Variants in NRXN3 observed in about 807,000 individuals in gnomAD.
NRXN3 encodes the protein neurexin 3.
In NRXN3, 32 loss-of-function variants were observed where a neutral mutation model predicts 137.6. The observed-to-expected ratio is 0.23, with a 90% CI of 0.18 to 0.31. The LOEUF is 0.31. Among genes scored for constraint, NRXN3 ranks in the 10% least tolerant of loss-of-function variants. The pLI is 1.00. For synonymous variants in NRXN3, 798 were observed against 784.5 expected, an observed-to-expected ratio of 1.02 and a Z score of -0.29; for missense variants, 1,574 against 2,062.5, an observed-to-expected ratio of 0.76 and a Z score of 4.59.
intron 15 of NRXN3, among the ~76,000 whole-genome samples, chr14:79,094,285 TTTCATCTGTATCCTCTGTTTTAGCC>T (rs1360449456): frequency 6.6e-6 from 1 of 152,132 alleles, no homozygotes; most frequent in African/African-American, 2.4e-5. Flanking sequence ...TTGGGTTTGG[TTTCATCTGTATCCTCTGTTTTAGCC>T]TTCTTTTTAG....
intron 4 of NRXN3, among the ~76,000 whole-genome samples, chr14:78,345,453 T>G (rs1349580138): frequency 6.6e-6 from 1 of 152,178 alleles, no homozygotes. Flanking sequence ...TTGCACTTGC[T>G]AAGAAGATAA....
chr14:79,520,902 C>A (rs2097057810), intron 16 of NRXN3, among the ~76,000 whole-genome samples: 2 of 152,132 alleles, frequency 1.3e-5, no homozygotes. Context: ...TTTGACCCAG[C>A]AATGCCATTA....
chr14:78,709,935 GC>G (rs1414579367), intron 7 of NRXN3: 2 of 409,740 alleles, frequency 4.9e-6, no homozygotes, highest in Non-Finnish European at 8.9e-6. Flanking sequence ...CATTTCCACT[GC>G]TACCAGAGCA....
chr14:79,680,575 A>G (rs747838203), intron 17 of NRXN3, among the ~76,000 whole-genome samples: 8 of 152,030 alleles, frequency 5.3e-5, no homozygotes, highest in Admixed American at 2.0e-4. Flanking sequence ...AGTATACGTA[A>G]GTGTATTCAT....
At chr14:79,564,766 T>C (rs940771523) in intron 16 of NRXN3, among the ~76,000 whole-genome samples, 4 of 152,156 alleles carry the variant, frequency 2.6e-5, no homozygotes, top group Non-Finnish European at 4.4e-5. Flanking sequence ...TTTTAATGCT[T>C]GTGTTGAGTT....
chr14:78,190,218 C>T (rs2060586499), intron 1 of NRXN3, among the ~76,000 whole-genome samples: 1 of 152,236 alleles, frequency 6.6e-6, no homozygotes, highest in African/African-American at 2.4e-5. Flanking sequence ...GAATGTCTCA[C>T]CCTCCTATCC....
intron 6 of NRXN3, among the ~76,000 whole-genome samples, chr14:78,665,777 G>A (rs1181570308): frequency 6.6e-6 from 1 of 152,190 alleles, no homozygotes; most frequent in African/African-American, 2.4e-5. Flanking sequence ...TCCAGGAGGC[G>A]ATGGTGGCCA....
At chr14:78,571,653 G>T (rs1433651284) in intron 4 of NRXN3, among the ~76,000 whole-genome samples, 3 of 152,024 alleles carry the variant, frequency 2.0e-5, no homozygotes, top group Non-Finnish European at 4.4e-5. Context: ...TGTTGAAAAA[G>T]GTGTGGAGGT....
chr14:78,408,373 A>G (rs1229502989), intron 4 of NRXN3, among the ~76,000 whole-genome samples: 1 of 152,226 alleles, frequency 6.6e-6, no homozygotes, highest in African/African-American at 2.4e-5. Context: ...TCTCCAAAGC[A>G]TATGTCAGAA....
intron 16 of NRXN3, among the ~76,000 whole-genome samples, chr14:79,582,850 A>C (rs911612318): frequency 6.6e-6 from 1 of 152,220 alleles, no homozygotes; most frequent in Non-Finnish European, 1.5e-5. Flanking sequence ...ACTTCATTAT[A>C]ATCTCTTCAG....
chr14:78,528,802 A>G (rs1004096578), intron 4 of NRXN3, among the ~76,000 whole-genome samples: 9 of 152,182 alleles, frequency 5.9e-5, no homozygotes, highest in African/African-American at 2.2e-4. Context: ...TTTGTTTAGC[A>G]TGGATATTTC....
intron 18 of NRXN3, among the ~76,000 whole-genome samples, chr14:79,692,493 G>A (rs1180860915): frequency 6.6e-6 from 1 of 152,018 alleles, no homozygotes; most frequent in African/African-American, 2.4e-5. Context: ...CTATCAGCAT[G>A]ACAAACACAA....
intron 4 of NRXN3, among the ~76,000 whole-genome samples, chr14:78,492,674 T>C (rs2095691373): frequency 6.6e-6 from 1 of 152,072 alleles, no homozygotes; most frequent in Non-Finnish European, 1.5e-5. Context: ...CAGCCAGGGG[T>C]CCCAGATATA....
At chr14:79,067,729 T>G (rs1412461124) in intron 15 of NRXN3, among the ~76,000 whole-genome samples, 1 of 152,026 alleles carries the variant, frequency 6.6e-6, no homozygotes, top group Non-Finnish European at 1.5e-5. Flanking sequence ...TTGAGTCCAG[T>G]CTAATGACCT....
intron 20 of NRXN3, among the ~76,000 whole-genome samples, chr14:79,858,661 T>C (rs1378736167): frequency 6.6e-6 from 1 of 152,106 alleles, no homozygotes; most frequent in Non-Finnish European, 1.5e-5. Context: ...TCCTGCCTTG[T>C]CCTCTGAAGG....
chr14:78,638,764 C>G (rs1179489393), intron 4 of NRXN3, among the ~76,000 whole-genome samples: 1 of 152,092 alleles, frequency 6.6e-6, no homozygotes, highest in Non-Finnish European at 1.5e-5. Flanking sequence ...CGAACTCATA[C>G]TTGCCTTGTT....
At chr14:79,095,169 CA>C (rs1004883121) in intron 15 of NRXN3, among the ~76,000 whole-genome samples, 1 of 152,084 alleles carries the variant, frequency 6.6e-6, no homozygotes, top group African/African-American at 2.4e-5. Flanking sequence ...CTGAGACAGC[CA>C]CTTTACTCCT....
At chr14:79,034,448 G>A (rs1202962217) in intron 15 of NRXN3, among the ~76,000 whole-genome samples, 1 of 151,786 alleles carries the variant, frequency 6.6e-6, no homozygotes, top group East Asian at 1.9e-4. Flanking sequence ...GTTTTATTTT[G>A]TGAGAAGAAC....
chr14:79,580,882 GA>G (rs550929618), intron 16 of NRXN3, among the ~76,000 whole-genome samples: 3 of 150,548 alleles, frequency 2.0e-5, no homozygotes, highest in Admixed American at 6.6e-5. Context: ...CACGGTATAA[GA>G]AAAAAAAATG....
Sources: gnomAD v4.1 joint callset for allele counts (sites outside exome capture counted in the v4.1 genomes callset) on GRCh38, gnomAD v4.1.1 for gene constraint, MANE v1.5 for transcripts, NCBI Gene and HGNC (gene_info 2026-07-23, HGNC 2026-07-21) for gene names.